The following ERAP1 variants were observed in gnomAD, a reference collection of about 807,000 sequenced individuals.
ERAP1 encodes endoplasmic reticulum aminopeptidase 1, also known as adipocyte-derived leucine aminopeptidase.
ERAP1 carries 86 observed loss-of-function variants against 103.7 expected under a neutral mutation model. The ratio of observed to expected loss-of-function variants is 0.83; its 90% CI spans 0.70 to 0.99. The LOEUF (loss-of-function observed/expected upper bound fraction) is 0.99. Ranked by LOEUF, ERAP1 falls within the 50% of genes least tolerant of loss-of-function variation. The probability of loss-of-function intolerance (pLI) is 0.00; values close to 1 mark genes in which losing one functional copy is unlikely to be tolerated. For missense variants in ERAP1, 1,009 were observed against 1,128.4 expected, an observed-to-expected ratio of 0.89 and a Z score of 1.52; for synonymous variants, 398 against 402.4, an observed-to-expected ratio of 0.99 and a Z score of 0.13.
chr5:96,793,846 T>C lies in ERAP1; in HGVS notation c.1031A>G (p.Lys344Arg). 6.2e-7 allele frequency: 1 copy of C among 1,614,192 alleles called. No homozygotes were observed. The highest frequency in any genetic ancestry group is 8.5e-7 in the Non-Finnish European group (1 of 1,180,006). The change falls in exon 6 of 19, where the codon AAG becomes AGG. Residue 344 changes from lysine to arginine, a missense_variant. By Grantham distance (26) the Lys-to-Arg change is conservative (BLOSUM62 2). Transcript: ENST00000443439. ...GGCCACAGTCATTGTGATGCCAAGC[T>C]TACTTGATGCAGAAGACTTTTCTGC... The part of the protein sequence containing the change: ...FDAEKSSASS[K>R]LGITMTVAHE...
At chr5:96,770,328 T>C (rs1214496339), downstream of ERAP1, 1 of 536,020 alleles carries the variant, frequency 1.9e-6, no homozygotes, top group Non-Finnish European at 3.4e-6. Context: ...ATTTCCCTCC[T>C]TATTTCTATC....
At chr5:96,811,597 C>T (rs1011428562), upstream of ERAP1, among the ~76,000 whole-genome samples, 3 of 152,190 alleles carry the variant, frequency 2.0e-5, no homozygotes, top group African/African-American at 7.2e-5. Context: ...TTCAAGAGGA[C>T]CAATGCTTTC....
At chr5:96,814,885 C>T in the ERAP1 span, among the ~76,000 whole-genome samples, 4 of 152,222 alleles carry the variant, frequency 2.6e-5, no homozygotes, top group South Asian at 2.1e-4. Flanking sequence ...ACTAGGGGTC[C>T]GAGCAAGACC....
the ERAP1 span, among the ~76,000 whole-genome samples, chr5:96,874,086 A>G: frequency 2.0e-5 from 3 of 151,238 alleles, no homozygotes; most frequent in African/African-American, 4.9e-5. Flanking sequence ...CCCAAAGAAA[A>G]GAGAAGAGAA....
the ERAP1 span, among the ~76,000 whole-genome samples, chr5:96,886,315 C>A: frequency 6.6e-6 from 1 of 152,168 alleles, no homozygotes; most frequent in South Asian, 2.1e-4. Context: ...TACTTAAAAG[C>A]ACAGAAGTTG....
chr5:96,919,959 G>A, the ERAP1 span, among the ~76,000 whole-genome samples: 1 of 152,212 alleles, frequency 6.6e-6, no homozygotes, highest in African/African-American at 2.4e-5. Flanking sequence ...AAATCTTTCA[G>A]ATTATGAAAG....
the ERAP1 span, among the ~76,000 whole-genome samples, chr5:96,839,466 C>T: frequency 6.6e-6 from 1 of 152,366 alleles, no homozygotes; most frequent in East Asian, 1.9e-4. Flanking sequence ...TAGGAAGACA[C>T]TCCTTTCTAA....
At chr5:96,822,643 AG>A in the ERAP1 span, among the ~76,000 whole-genome samples, 1 of 152,188 alleles carries the variant, frequency 6.6e-6, no homozygotes, top group Non-Finnish European at 1.5e-5. Context: ...TGGGAGGCTG[AG>A]GCAGGAGGAT....
At chr5:96,824,928 T>A in the ERAP1 span, among the ~76,000 whole-genome samples, 1 of 152,086 alleles carries the variant, frequency 6.6e-6, no homozygotes, top group Non-Finnish European at 1.5e-5. Context: ...GTAGTCCAGC[T>A]ACTTGGGAGG....
At chr5:96,789,189 T>C (rs1221381084) in intron 10 of ERAP1, among the ~76,000 whole-genome samples, 1 of 152,096 alleles carries the variant, frequency 6.6e-6, no homozygotes, top group Admixed American at 6.5e-5. Context: ...TAAGAAATGA[T>C]TTAAGAAGTA....
At chr5:96,931,788 A>T in the ERAP1 span, among the ~76,000 whole-genome samples, 2 of 152,284 alleles carry the variant, frequency 1.3e-5, no homozygotes, top group African/African-American at 4.8e-5. Flanking sequence ...ACTTTTGACC[A>T]TATGGTAGTC....
At chr5:96,777,084 T>G (rs1774436542) in intron 18 of ERAP1, 1 of 153,044 alleles carries the variant, frequency 6.5e-6, no homozygotes, top group South Asian at 2.0e-4. Flanking sequence ...AATCTACAAT[T>G]CATGTATTGT....
At chr5:96,884,064 ATC>A in the ERAP1 span, 4 of 631,994 alleles carry the variant, frequency 6.3e-6, no homozygotes, top group Non-Finnish European at 1.0e-5. Flanking sequence ...CTATCTATCT[ATC>A]TATCTATCTA....
chr5:96,888,876 G>T, the ERAP1 span, among the ~76,000 whole-genome samples: 1 of 152,152 alleles, frequency 6.6e-6, no homozygotes, highest in African/African-American at 2.4e-5. Flanking sequence ...TCATAGAGAC[G>T]AACTCAAGTG....
Position 96,781,743 on chromosome 5 carries a change from G to A in ERAP1, c.2397C>T (p.Ser799=). The change falls in exon 16 of 19, where the codon AGC becomes AGT. Residue 799 remains serine, a synonymous_variant. Transcript: ENST00000443439. ...YQFSLSSTEK[S]QIEFALCRTQ... ...TTCTGCAGAGGGCAAATTCAATTTG[G>A]CTTTTCTCAGTACTGGACAAAGAAA... 2 of 1,614,098 alleles carry A rather than the reference G, an allele frequency of 1.2e-6. No individual in the cohort carries two copies. The highest frequency in any genetic ancestry group is 1.1e-5 in the South Asian group (1 of 91,076).
intron 19 of ERAP1, chr5:96,766,212 A>C: frequency 2.3e-6 from 2 of 872,600 alleles, no homozygotes; most frequent in Non-Finnish European, 3.9e-6. Context: ...ACCTCCCTTG[A>C]AATAAATAGT....
At chr5:96,891,483 ATGTG>A in the ERAP1 span, among the ~76,000 whole-genome samples, 4 of 138,652 alleles carry the variant, frequency 2.9e-5, no homozygotes, top group East Asian at 2.2e-4. Flanking sequence ...ATATATATAT[ATGTG>A]TGTGTGTGTG....
At chr5:96,889,281 A>G in the ERAP1 span, 2 of 1,614,024 alleles carry the variant, frequency 1.2e-6, no homozygotes, top group South Asian at 1.1e-5. Context: ...GTACTTTGAT[A>G]TCTACTATCC....
chr5:96,800,713 A>G (rs1295768031), intron 3 of ERAP1, 149 bp downstream of exon 3: 10 of 866,794 alleles, frequency 1.2e-5, no homozygotes, highest in Non-Finnish European at 1.6e-5. Context: ...GCTTGAAACA[A>G]AAGCATAGGT....
Sources: allele counts gnomAD v4.1 joint callset (sites outside exome capture counted in the v4.1 genomes callset), GRCh38; gene constraint gnomAD v4.1.1; transcripts MANE v1.5; gene names NCBI Gene and HGNC (gene_info 2026-07-23, HGNC 2026-07-21).